The following LRCH1 variants were observed in gnomAD, a reference collection of about 807,000 sequenced individuals.
The protein encoded by LRCH1 is leucine rich repeats and calponin homology domain containing 1.
Under a neutral mutation model 94.9 loss-of-function variants are expected in LRCH1, and 23 were observed. The observed-to-expected ratio is 0.24, with a 90% CI of 0.17 to 0.34. The LOEUF (loss-of-function observed/expected upper bound fraction) is 0.34. Among genes scored for constraint, LRCH1 ranks in the 10% least tolerant of loss-of-function variants. LRCH1 has a pLI of 1.00. For missense variants in LRCH1, 790 were observed against 945.9 expected (o/e 0.84, Z 2.16); for synonymous variants, 364 against 354.9 (o/e 1.03, Z -0.29).
At chr13:46,715,488 T>C (rs1233694213) in intron 15 of LRCH1, 72 bp from the exon 16 acceptor site, 6 of 779,680 alleles carry the variant, frequency 7.7e-6, no homozygotes, top group Admixed American at 2.0e-5. Flanking sequence ...ATTTGTGAAA[T>C]GCTGCTGCCC....
chr13:46,708,507 G>C (rs1871892010), intron 13 of LRCH1, among the ~76,000 whole-genome samples: 1 of 152,096 alleles, frequency 6.6e-6, no homozygotes. Context: ...TCTGAGCTCA[G>C]GTGACCTGCT....
intron 1 of LRCH1, among the ~76,000 whole-genome samples, chr13:46,556,367 T>C (rs1205425147): frequency 6.6e-6 from 1 of 152,244 alleles, no homozygotes; most frequent in African/African-American, 2.4e-5. Flanking sequence ...ATATACTTTA[T>C]TGATAGGAAA....
At chr13:46,573,867 T>TATATATATATATATATATA (rs1555269135) in intron 1 of LRCH1, among the ~76,000 whole-genome samples, 25 of 52,992 alleles carry the variant, frequency 4.7e-4, no homozygotes, top group Admixed American at 9.9e-4. Context: ...TATATATATA[T>TATATATATATATATATATA]TTTTTTTTTT....
At chr13:46,562,963 A>G (rs537979180) in intron 1 of LRCH1, among the ~76,000 whole-genome samples, 2 of 152,086 alleles carry the variant, frequency 1.3e-5, no homozygotes, top group Non-Finnish European at 2.9e-5. Context: ...TAGACTTAGA[A>G]TCTTTTCGGT....
At chr13:46,670,665 C>T (rs184781589) in intron 3 of LRCH1, among the ~76,000 whole-genome samples, 1 of 150,394 alleles carries the variant, frequency 6.6e-6, no homozygotes, top group Admixed American at 6.6e-5. Context: ...CCCCCCCCAA[C>T]CCTGTCCCCA....
chr13:46,559,040 C>G (rs889959788), intron 1 of LRCH1, among the ~76,000 whole-genome samples: 2 of 152,202 alleles, frequency 1.3e-5, no homozygotes, highest in Non-Finnish European at 2.9e-5. Flanking sequence ...AGGCTGACTT[C>G]CACACCCTAT....
At chr13:46,553,794 G>T in intron 1 of LRCH1, 91 bp downstream of exon 1, 2 of 1,551,594 alleles carry the variant, frequency 1.3e-6, no homozygotes, top group South Asian at 2.4e-5. Context: ...CGGAGATCTT[G>T]TCTTGCTGGG....
chr13:46,668,906 C>T, intron 2 of LRCH1, 124 bp from the exon 3 acceptor site: 1 of 908,222 alleles, frequency 1.1e-6, no homozygotes, highest in Non-Finnish European at 1.6e-6. Flanking sequence ...ATATATTGGA[C>T]TTCTTGTATT....
chr13:46,658,143 G>C (rs892842611), intron 2 of LRCH1, among the ~76,000 whole-genome samples: 1 of 152,078 alleles, frequency 6.6e-6, no homozygotes, highest in African/African-American at 2.4e-5. Flanking sequence ...CACAAGGAAG[G>C]CCTTTGTATT....
At chr13:46,725,259 G>T (rs532589061) in intron 17 of LRCH1, among the ~76,000 whole-genome samples, 23 of 152,318 alleles carry the variant, frequency 1.5e-4, no homozygotes, top group African/African-American at 5.1e-4. Context: ...TATGTTCACT[G>T]CTTAGGTGAC....
chr13:46,646,076 A>G (rs2051217509), intron 1 of LRCH1, among the ~76,000 whole-genome samples: 1 of 152,238 alleles, frequency 6.6e-6, no homozygotes, highest in African/African-American at 2.4e-5. Flanking sequence ...TTTCAGAAAG[A>G]AAGAACACAA....
chr13:46,722,600 A>C (rs141016393), intron 16 of LRCH1, among the ~76,000 whole-genome samples: 1,532 of 152,332 alleles, frequency 0.01, 10 homozygotes, highest in Middle Eastern at 0.031. Context: ...GAAGCCAGCC[A>C]TGAGCCCTTC....
intron 17 of LRCH1, among the ~76,000 whole-genome samples, chr13:46,727,901 A>ATTTCTTTCTTTC (rs71077919): frequency 0.01 from 1,521 of 148,614 alleles, 21 homozygotes; most frequent in African/African-American, 0.033. Flanking sequence ...AGAGAAAAAC[A>ATTTCTTTCTTTC]TTTCTTTCTT....
At chr13:46,750,520 T>C (rs1874081806) in intron 18 of LRCH1, 1 of 1,493,690 alleles carries the variant, frequency 6.7e-7, no homozygotes, top group African/African-American at 1.4e-5. Flanking sequence ...AAATTGATGT[T>C]TTATTCTTTT....
chr13:46,742,076 C>T lies in LRCH1; in HGVS notation c.*228C>T, dbSNP rs1353515867. Reference sequence around the variant, plus strand: ...TACTGAAATACAACGACGACGACTGCAAAGTGTATGCACACCGCATGCTTC... The same window carrying T: ...TACTGAAATACAACGACGACGACTGTAAAGTGTATGCACACCGCATGCTTC... On this transcript the variant is annotated 3_prime_UTR_variant, in exon 20 of 20. Transcript: ENST00000389797. 12 of 1,391,030 alleles carry T rather than the reference C, an allele frequency of 8.6e-6. No homozygotes were observed. Among genetic ancestry groups the T allele is most frequent in the African/African-American group, 1.5e-5 (1 of 68,742 alleles). The allele number at this position is 1,391,030 out of a possible 1,614,324, so 86.2% of individuals were successfully genotyped here.
chr13:46,713,554 C>T (rs1872176900), intron 15 of LRCH1, among the ~76,000 whole-genome samples: 1 of 152,134 alleles, frequency 6.6e-6, no homozygotes. Context: ...TAACAAGTGG[C>T]CAGGTGTAAT....
In LRCH1 at chr13:46,728,958, A is replaced by G. The variant is rs1414625124; in HGVS notation, c.1981A>G (p.Ser661Gly). 1.2e-6 allele frequency: 2 copies of G among 1,613,408 alleles called. No individual in the cohort carries two copies. Among genetic ancestry groups the G allele is most frequent in the East Asian group, 2.2e-5 (1 of 44,856 alleles). ...CCACATCCGCCCACGGTCGGTTGCA[A>G]GCATCCATGTCCCATCACCAGCGGT... is the stretch of plus-strand genomic sequence containing the variant. ...VNHIRPRSVA[S>G]IHVPSPAVPK... The change falls in exon 18 of 20, where the codon AGC (serine) becomes GGC (glycine). Residue 661 changes from serine to glycine, a missense_variant. Coordinates refer to ENST00000389797, the MANE Select transcript of LRCH1 (RefSeq NM_001164211.2).
Position 46,556,730 on chromosome 13 carries a change from C to T in LRCH1, c.307+3027C>T, listed in dbSNP as rs939747104. 2.0e-5 allele frequency among the ~76,000 whole-genome samples: 3 copies of T among 152,074 alleles called. No individual in the cohort carries two copies. In the East Asian group the frequency reaches 5.8e-4, roughly 29 times the overall value. The stretch of plus-strand genomic sequence containing the variant: ...GGTGATTGGAACCCTGGCAGCCTCA[C>T]GTTAATTCATGTTCTTGACCATATT... On this transcript the variant is annotated intron_variant, in intron 1 of 19. Coordinates refer to ENST00000389797, the MANE Select transcript of LRCH1 (RefSeq NM_001164211.2).
chr13:46,671,920 A>G (rs568765424), intron 3 of LRCH1, among the ~76,000 whole-genome samples: 28 of 152,300 alleles, frequency 1.8e-4, no homozygotes, highest in African/African-American at 6.5e-4. Context: ...ATCCGGACAC[A>G]TCAATGTCAC....
Sources: gnomAD v4.1 joint callset for allele counts (sites outside exome capture counted in the v4.1 genomes callset) on GRCh38, gnomAD v4.1.1 for gene constraint, MANE v1.5 for transcripts, NCBI Gene and HGNC (gene_info 2026-07-23, HGNC 2026-07-21) for gene names.